MAP7: variants seen among roughly 807,000 people sequenced by gnomAD.
MAP7 encodes the protein microtubule associated protein 7.
Under a neutral mutation model 94.8 loss-of-function variants are expected in MAP7, and 52 were observed. The observed-to-expected ratio is 0.55, with a 90% CI of 0.44 to 0.69. The LOEUF (loss-of-function observed/expected upper bound fraction) is 0.69, where lower values mean the gene tolerates loss of function less well. MAP7 is among the 30% of genes least tolerant of loss of function. The pLI, the probability that MAP7 is intolerant of heterozygous loss-of-function variation, is 0.00. For missense variants in MAP7, 940 were observed against 964.6 expected (o/e 0.97, Z 0.34); for synonymous variants, 350 against 357.0 (o/e 0.98, Z 0.22).
intron 10 of MAP7, chr6:136,365,122 T>C (rs1293292751): frequency 6.6e-6 from 1 of 152,264 alleles, no homozygotes; most frequent in Non-Finnish European, 1.5e-5. Context: ...TTTGGATGTA[T>C]GATTTGAGAT....
chr6:136,496,336 T>G (rs1254784576), intron 1 of MAP7, among the ~76,000 whole-genome samples: 1 of 152,194 alleles, frequency 6.6e-6, no homozygotes, highest in Non-Finnish European at 1.5e-5. Flanking sequence ...ACATCCCTCA[T>G]TCCTTTATGT....
intron 3 of MAP7, among the ~76,000 whole-genome samples, chr6:136,392,546 TAG>T (rs1298104155): frequency 2.6e-5 from 4 of 152,164 alleles, no homozygotes; most frequent in Non-Finnish European, 5.9e-5. Flanking sequence ...TACTGAGTGA[TAG>T]GTTATCTAAG....
intron 6 of MAP7, 81 bp from the exon 7 acceptor site, chr6:136,377,949 C>T: frequency 9.9e-7 from 1 of 1,012,610 alleles, no homozygotes; most frequent in Non-Finnish European, 1.5e-6. Flanking sequence ...CCTATTGCTT[C>T]CATACGCTGG....
At chr6:136,365,195 C>T (rs1035451949) in intron 10 of MAP7, 5 of 152,584 alleles carry the variant, frequency 3.3e-5, no homozygotes, top group African/African-American at 7.2e-5. Context: ...CTATGACCCT[C>T]CTTTCCTTTC....
At chr6:136,366,242 T>C in intron 9 of MAP7, 85 bp downstream of exon 9, 7 of 1,197,736 alleles carry the variant, frequency 5.8e-6, no homozygotes, top group Non-Finnish European at 6.2e-6. Context: ...CCAAACAGCA[T>C]GAGAAGAACA....
intron 1 of MAP7, among the ~76,000 whole-genome samples, chr6:136,477,771 AAAC>A (rs1811408149): frequency 6.6e-6 from 1 of 152,196 alleles, no homozygotes; most frequent in African/African-American, 2.4e-5. Context: ...GAAAATCAAC[AAAC>A]ATCACACTCA....
chr6:136,504,837 G>A (rs1233151040), intron 1 of MAP7, among the ~76,000 whole-genome samples: 2 of 152,000 alleles, frequency 1.3e-5, no homozygotes, highest in African/African-American at 2.4e-5. Context: ...GTGCCACAAC[G>A]CCTGGCTAAT....
intron 10 of MAP7, among the ~76,000 whole-genome samples, chr6:136,365,289 C>G (rs1793973945): frequency 6.6e-6 from 1 of 152,144 alleles, no homozygotes. Flanking sequence ...CTTTCTTGCC[C>G]CACCCTCTAT....
At chr6:136,483,900 T>C (rs1469455335) in intron 1 of MAP7, among the ~76,000 whole-genome samples, 1 of 152,206 alleles carries the variant, frequency 6.6e-6, no homozygotes, top group African/African-American at 2.4e-5. Flanking sequence ...TTTGATCAGA[T>C]GGAATAAATT....
chr6:136,509,391 G>A (rs1237947844), intron 1 of MAP7, among the ~76,000 whole-genome samples: 2 of 151,636 alleles, frequency 1.3e-5, no homozygotes, highest in African/African-American at 4.9e-5. Context: ...AGTCAAGAGA[G>A]TAAATTATGA....
In MAP7 at chr6:136,365,951, A is replaced by C; in HGVS notation, c.1057T>G (p.Ser353Ala). 1 of 1,613,934 alleles carries C rather than the reference A, an allele frequency of 6.2e-7. No homozygotes were observed. The highest frequency in any genetic ancestry group is 8.5e-7 in the Non-Finnish European group (1 of 1,180,030). The change falls in exon 10 of 18, where the codon TCA becomes GCA. Residue 353 changes from serine to alanine, a missense_variant. Coordinates refer to ENST00000354570, the MANE Select transcript of MAP7 (RefSeq NM_003980.6). ...ACCTGAGCAGGAGCAGCTTTGACTG[A>C]GCCGGGTGGCAAGGAGGATGTCGGT... ...PRPTSSLPPG[S>A]VKAAPAQVRP...
chr6:136,406,267 T>C (rs1365484203), intron 3 of MAP7, among the ~76,000 whole-genome samples: 1 of 152,180 alleles, frequency 6.6e-6, no homozygotes, highest in Admixed American at 6.5e-5. Context: ...GATCTCAGAA[T>C]CTGCTCCAAC....
At chr6:136,382,864 T>G (rs1582741976) in intron 6 of MAP7, among the ~76,000 whole-genome samples, 1 of 152,134 alleles carries the variant, frequency 6.6e-6, no homozygotes, top group Admixed American at 6.5e-5. Context: ...TTTTAAAGAG[T>G]ATGGGCTTCA....
intron 16 of MAP7, among the ~76,000 whole-genome samples, chr6:136,351,884 C>G (rs1247850603): frequency 6.6e-6 from 1 of 152,128 alleles, no homozygotes; most frequent in South Asian, 2.1e-4. Context: ...TTAGCATACA[C>G]GTGCTTTTCC....
chr6:136,451,297 T>A (rs1167852144), intron 1 of MAP7, among the ~76,000 whole-genome samples: 1 of 152,208 alleles, frequency 6.6e-6, no homozygotes, highest in African/African-American at 2.4e-5. Context: ...TGCACTTCCC[T>A]TTATGGTATT....
rs554407865 is a variant in MAP7, at chr6:136,419,830, T to C, written c.166+1871A>G. 2.2e-5 allele frequency: 8 copies of C among 364,864 alleles called. No individual in the cohort carries two copies. The South Asian group carries it at 3.0e-4, about 14-fold the overall frequency. The allele number at this position is 364,864 out of a possible 1,614,324, so 22.6% of individuals were successfully genotyped here. On this transcript the variant is annotated intron_variant, in intron 2 of 17. Coordinates refer to ENST00000354570, the MANE Select transcript of MAP7 (RefSeq NM_003980.6). ...AAGAGCCCTGGACAATTTTTGATCC[T>C]GTAAGGGCTTTTTACTTCAGTTTTT...
In MAP7 at chr6:136,525,333, G is replaced by C. The variant is rs117746835; in HGVS notation, c.67+25009C>G. 4.8e-3 allele frequency among the ~76,000 whole-genome samples: 733 copies of C among 152,220 alleles called. 4 individuals are homozygous for C. Among genetic ancestry groups the C allele is most frequent in the East Asian group, 0.039 (203 of 5,180 alleles). On this transcript the variant is annotated intron_variant, in intron 1 of 17. Coordinates refer to ENST00000354570, the MANE Select transcript of MAP7 (RefSeq NM_003980.6). ...GTTTGCTGTGCTCCTCTTTACTCTT[G>C]ACATTTTAGTATAGAAAGGGAAGTG... is the stretch of plus-strand genomic sequence containing the variant.
chr6:136,511,015 C>A (rs1036563104), intron 1 of MAP7, among the ~76,000 whole-genome samples: 1 of 152,002 alleles, frequency 6.6e-6, no homozygotes, highest in Non-Finnish European at 1.5e-5. Flanking sequence ...CAGCATAAAC[C>A]CACACAGCTG....
chr6:136,418,936 T>G (rs1264211805), intron 2 of MAP7, among the ~76,000 whole-genome samples: 1 of 150,154 alleles, frequency 6.7e-6, no homozygotes, highest in Non-Finnish European at 1.5e-5. Flanking sequence ...GCCTTTTATA[T>G]AGCTTGGCTT....
Sources: allele counts gnomAD v4.1 joint callset (sites outside exome capture counted in the v4.1 genomes callset), GRCh38; gene constraint gnomAD v4.1.1; transcripts MANE v1.5; gene names NCBI Gene and HGNC (gene_info 2026-07-23, HGNC 2026-07-21).